CNTNAP2: variants seen among roughly 807,000 people sequenced by gnomAD.
The protein encoded by CNTNAP2 is contactin-associated protein-like 2.
A neutral mutation model predicts 155.2 loss-of-function variants in CNTNAP2; 98 were observed. The ratio of observed to expected loss-of-function variants is 0.63; its 90% CI spans 0.54 to 0.75. The LOEUF is 0.75. Among genes scored for constraint, CNTNAP2 ranks in the 30% least tolerant of loss-of-function variants. CNTNAP2 has a pLI of 0.00. For synonymous variants in CNTNAP2, 651 were observed against 631.2 expected (o/e 1.03, Z -0.47); for missense variants, 1,727 against 1,688.1 (o/e 1.02, Z -0.40).
intron 3 of CNTNAP2, among the ~76,000 whole-genome samples, chr7:146,922,939 CTAGAG>C (rs1421488995): frequency 1.6e-4 from 24 of 152,060 alleles, no homozygotes; most frequent in African/African-American, 4.3e-4. Context: ...AAGTGTATTA[CTAGAG>C]TAAAGACCAC....
intron 8 of CNTNAP2, among the ~76,000 whole-genome samples, chr7:147,236,779 T>C (rs981394361): frequency 6.6e-6 from 1 of 152,022 alleles, no homozygotes; most frequent in Non-Finnish European, 1.5e-5. Flanking sequence ...TATCCCCTTA[T>C]CTCCCACATC....
intron 2 of CNTNAP2, among the ~76,000 whole-genome samples, chr7:146,823,778 A>T (rs1426764683): frequency 6.6e-6 from 1 of 151,974 alleles, no homozygotes; most frequent in East Asian, 1.9e-4. Context: ...AATTTCAAAA[A>T]CTATGACATG....
intron 1 of CNTNAP2, among the ~76,000 whole-genome samples, chr7:146,509,780 C>A (rs965686935): frequency 2.6e-5 from 4 of 152,110 alleles, no homozygotes; most frequent in African/African-American, 9.7e-5. Flanking sequence ...ACTGAGCATG[C>A]ACTTCCCATA....
intron 1 of CNTNAP2, among the ~76,000 whole-genome samples, chr7:146,478,256 G>T (rs1424072094): frequency 6.6e-6 from 1 of 152,052 alleles, no homozygotes; most frequent in Non-Finnish European, 1.5e-5. Flanking sequence ...AATGCAGAAA[G>T]AGGGATGCAG....
chr7:146,784,147 G>C (rs892997993), intron 2 of CNTNAP2, among the ~76,000 whole-genome samples: 1 of 152,102 alleles, frequency 6.6e-6, no homozygotes, highest in South Asian at 2.1e-4. Context: ...TTGAGATGAA[G>C]AATTTTTTAG....
At chr7:148,252,995 GAGAT>G (rs1488632723) in intron 20 of CNTNAP2, among the ~76,000 whole-genome samples, 2 of 137,848 alleles carry the variant, frequency 1.5e-5, no homozygotes, top group African/African-American at 2.7e-5. Flanking sequence ...CAGAATAACA[GAGAT>G]AGATAGATAC....
At chr7:146,661,744 T>TTTTA (rs1183318842) in intron 1 of CNTNAP2, among the ~76,000 whole-genome samples, 2 of 151,322 alleles carry the variant, frequency 1.3e-5, no homozygotes, top group African/African-American at 4.9e-5. Flanking sequence ...TTTTTTTTTT[T>TTTTA]AAATAAAGCT....
At chr7:146,668,613 G>A (rs1395302842) in intron 1 of CNTNAP2, among the ~76,000 whole-genome samples, 2 of 152,080 alleles carry the variant, frequency 1.3e-5, no homozygotes, top group East Asian at 3.8e-4. Flanking sequence ...ATCCAGTGAT[G>A]AAGCCATCCA....
intron 22 of CNTNAP2, among the ~76,000 whole-genome samples, chr7:148,396,768 C>T (rs1799476899): frequency 6.6e-6 from 1 of 152,190 alleles, no homozygotes; most frequent in Non-Finnish European, 1.5e-5. Flanking sequence ...AAGACGGATG[C>T]AGATTCCTAA....
chr7:147,849,278 C>A (rs559224646), intron 13 of CNTNAP2, among the ~76,000 whole-genome samples: 3 of 152,206 alleles, frequency 2.0e-5, no homozygotes, highest in South Asian at 2.1e-4. Flanking sequence ...TCAATAAACA[C>A]GATTATGAAT....
chr7:147,722,528 A>G (rs1413181291), intron 13 of CNTNAP2, among the ~76,000 whole-genome samples: 1 of 152,116 alleles, frequency 6.6e-6, no homozygotes, highest in East Asian at 1.9e-4. Context: ...GCCAACAAGC[A>G]TATGAAGGGA....
intron 1 of CNTNAP2, among the ~76,000 whole-genome samples, chr7:146,363,562 G>GGAGGAAGAGGTGGC (rs1178466156): frequency 2.6e-5 from 4 of 152,190 alleles, no homozygotes; most frequent in African/African-American, 9.7e-5. Flanking sequence ...AGGAAACTCA[G>GGAGGAAGAGGTGGC]GAGGAAGAGG....
intron 12 of CNTNAP2, among the ~76,000 whole-genome samples, chr7:147,622,734 G>A (rs10270953): frequency 0.02 from 3,090 of 151,896 alleles, 113 homozygotes; most frequent in African/African-American, 0.07. Flanking sequence ...AGAAAAGCAA[G>A]AGCAAACCAA....
chr7:148,220,357 C>T (rs376616748), intron 19 of CNTNAP2, among the ~76,000 whole-genome samples: 1 of 152,188 alleles, frequency 6.6e-6, no homozygotes, highest in African/African-American at 2.4e-5. Flanking sequence ...CCGCCTCGGC[C>T]TTCCAAAGTG....
chr7:146,659,641 A>G (rs1800053480), intron 1 of CNTNAP2, among the ~76,000 whole-genome samples: 1 of 152,230 alleles, frequency 6.6e-6, no homozygotes, highest in African/African-American at 2.4e-5. Flanking sequence ...ATGTGTTTAA[A>G]GAGTAGATTA....
intron 13 of CNTNAP2, among the ~76,000 whole-genome samples, chr7:147,689,794 G>A (rs143173024): frequency 6.6e-6 from 1 of 152,112 alleles, no homozygotes; most frequent in African/African-American, 2.4e-5. Flanking sequence ...AGGATTTGAA[G>A]TAGGGGTTAT....
intron 3 of CNTNAP2, among the ~76,000 whole-genome samples, chr7:146,935,345 G>T (rs184629477): frequency 3.3e-5 from 5 of 152,182 alleles, no homozygotes; most frequent in Non-Finnish European, 7.4e-5. Context: ...AGACTTATAT[G>T]TAGATAACCT....
chr7:147,398,345 C>G (rs1255964674), intron 10 of CNTNAP2, among the ~76,000 whole-genome samples: 1 of 151,126 alleles, frequency 6.6e-6, no homozygotes, highest in Non-Finnish European at 1.5e-5. Context: ...CCTACAGTGG[C>G]TTTTCTTTTC....
chr7:146,320,664 C>T (rs537914637), intron 1 of CNTNAP2, among the ~76,000 whole-genome samples: 1 of 151,844 alleles, frequency 6.6e-6, no homozygotes, highest in African/African-American at 2.4e-5. Context: ...TTTAATTGAC[C>T]AAAACATAGC....
Sources: allele counts gnomAD v4.1 joint callset (sites outside exome capture counted in the v4.1 genomes callset), GRCh38; gene constraint gnomAD v4.1.1; transcripts MANE v1.5; gene names NCBI Gene and HGNC (gene_info 2026-07-23, HGNC 2026-07-21).